Variants in LARP4B observed in about 807,000 individuals in gnomAD.
The protein encoded by LARP4B is la-related protein 4B.
Under a neutral mutation model 89.8 loss-of-function variants are expected in LARP4B, and 12 were observed. That is an observed-to-expected ratio of 0.13 (90% confidence interval 0.09 to 0.22). The LOEUF (loss-of-function observed/expected upper bound fraction) is 0.22. Among genes scored for constraint, LARP4B ranks in the 10% least tolerant of loss-of-function variants. LARP4B has a pLI of 1.00. For missense variants in LARP4B, 757 were observed against 947.7 expected (o/e 0.80, Z 2.64); for synonymous variants, 367 against 363.3 (o/e 1.01, Z -0.12).
chr10:927,261 A>T (rs1837168793), intron 1 of LARP4B, among the ~76,000 whole-genome samples: 1 of 152,168 alleles, frequency 6.6e-6, no homozygotes. Context: ...TTGAAGGGAC[A>T]AAAGGTATTA....
chr10:955,526 G>A, the LARP4B span, among the ~76,000 whole-genome samples: 1 of 152,208 alleles, frequency 6.6e-6, no homozygotes, highest in Non-Finnish European at 1.5e-5. This position sits in a 1 kb window ranked among gnomAD's most constrained non-coding sequence, Gnocchi z 5.2. Flanking sequence ...ATTGGAGCAT[G>A]TCCTCGCTCC....
At chr10:955,558 G>A in the LARP4B span, among the ~76,000 whole-genome samples, 2 of 152,088 alleles carry the variant, frequency 1.3e-5, no homozygotes, top group African/African-American at 4.8e-5. The surrounding 1 kb of genome is among the most constrained non-coding windows in gnomAD (Gnocchi z 5.2). Flanking sequence ...CCTTCAACTC[G>A]GGCCTTTGCC....
intron 8 of LARP4B, among the ~76,000 whole-genome samples, chr10:833,270 A>AAAC (rs1564392057): frequency 1.3e-5 from 2 of 149,356 alleles, no homozygotes; most frequent in South Asian, 2.1e-4. Context: ...AAAAAAAAAA[A>AAAC]AAAAAAAAAA....
chr10:878,082 C>A (rs557614241), intron 3 of LARP4B, among the ~76,000 whole-genome samples: 1 of 152,152 alleles, frequency 6.6e-6, no homozygotes, highest in South Asian at 2.1e-4. Context: ...GAGAGCCCTG[C>A]GGTAAGGTGA....
intron 1 of LARP4B, among the ~76,000 whole-genome samples, chr10:906,739 T>C (rs1836502967): frequency 6.6e-6 from 1 of 152,212 alleles, no homozygotes; most frequent in African/African-American, 2.4e-5. Context: ...TTAAAACAAA[T>C]ACGAACTGAT....
At chr10:873,506 G>T in intron 3 of LARP4B, 1 of 697,694 alleles carries the variant, frequency 1.4e-6, no homozygotes, top group Non-Finnish European at 1.8e-6. Context: ...CAGTGTTCCA[G>T]TATTTCCCAA....
rs183543415 is a variant in LARP4B, at chr10:814,754, G to A, written c.1917C>T (p.Asn639=). ...TATACKSVQV[N]GAATELRKPS... ...ACGAGGTACGTACCGTGGCGGCTCC[G>A]TTCACCTGCACCGATTTACACGCGG... The change falls in exon 17 of 18, where the codon AAC becomes AAT. Residue 639 remains asparagine (N), a synonymous_variant. Transcript: ENST00000316157. The surrounding 1 kb of genome is among the most constrained non-coding windows in gnomAD (Gnocchi z 4.4). 38 of 1,595,324 alleles carry A rather than the reference G, an allele frequency of 2.4e-5. No homozygotes were observed. The highest frequency in any genetic ancestry group is 2.9e-5 in the Non-Finnish European group (34 of 1,170,566).
At chr10:974,704 T>G in the LARP4B span, among the ~76,000 whole-genome samples, 33 of 152,202 alleles carry the variant, frequency 2.2e-4, no homozygotes, top group Non-Finnish European at 4.1e-4. Flanking sequence ...CTGTAATCGG[T>G]TCTGTGTTTA....
intron 5 of LARP4B, 96 bp from the exon 6 acceptor site, chr10:845,151 T>C: frequency 1.3e-6 from 1 of 798,288 alleles, no homozygotes; most frequent in Non-Finnish European, 2.0e-6. Context: ...ACTTACGTTC[T>C]GACACAACTA....
the LARP4B span, among the ~76,000 whole-genome samples, chr10:979,283 G>A: frequency 6.6e-6 from 1 of 152,156 alleles, no homozygotes; most frequent in African/African-American, 2.4e-5. Flanking sequence ...GTTCAGTGTT[G>A]TGTGTTTTCC....
intron 1 of LARP4B, among the ~76,000 whole-genome samples, chr10:900,063 T>C (rs1253788104): frequency 2.0e-5 from 3 of 151,576 alleles, no homozygotes; most frequent in Non-Finnish European, 4.4e-5. Context: ...AGCACAATCA[T>C]GGCCAGGCAC....
chr10:952,387 A>G, the LARP4B span, among the ~76,000 whole-genome samples: 1 of 148,492 alleles, frequency 6.7e-6, no homozygotes, highest in East Asian at 2.0e-4. Flanking sequence ...GCAGTCCAGA[A>G]CCAACTGCAT....
chr10:827,996 G>T (rs1832716728), intron 11 of LARP4B, among the ~76,000 whole-genome samples: 3 of 152,302 alleles, frequency 2.0e-5, no homozygotes, highest in Middle Eastern at 6.8e-3. Flanking sequence ...GGGAATTGGG[G>T]TCCTCTGAAA....
chr10:888,267 A>G (rs2131943241), intron 1 of LARP4B, among the ~76,000 whole-genome samples: 1 of 152,174 alleles, frequency 6.6e-6, no homozygotes, highest in African/African-American at 2.4e-5. Context: ...GGTTGCAGTG[A>G]GCTGAGATCA....
intron 3 of LARP4B, among the ~76,000 whole-genome samples, chr10:867,582 C>T (rs539846891): frequency 6.6e-6 from 1 of 152,136 alleles, no homozygotes; most frequent in South Asian, 2.1e-4. Context: ...CAGCGTCGGC[C>T]GGGTGTGGTG....
the LARP4B span, among the ~76,000 whole-genome samples, chr10:965,899 G>A: frequency 6.6e-6 from 1 of 152,082 alleles, no homozygotes; most frequent in Non-Finnish European, 1.5e-5. Flanking sequence ...GCCCCTTCCC[G>A]GCAGTGGCTT....
chr10:978,228 G>A, the LARP4B span, among the ~76,000 whole-genome samples: 2 of 151,820 alleles, frequency 1.3e-5, no homozygotes, highest in South Asian at 2.1e-4. Context: ...ACTTTATTTT[G>A]CTGTTCTTAA....
upstream of LARP4B, among the ~76,000 whole-genome samples, chr10:931,960 G>A (rs1830636443): frequency 6.9e-6 from 1 of 144,422 alleles, no homozygotes; most frequent in South Asian, 2.1e-4. Context: ...CCCCGCGCAC[G>A]CCGCACGTCC....
At chr10:894,013 T>C (rs1211198235) in intron 1 of LARP4B, among the ~76,000 whole-genome samples, 6 of 152,180 alleles carry the variant, frequency 3.9e-5, no homozygotes, top group Non-Finnish European at 1.5e-5. Flanking sequence ...CCACAGTCAA[T>C]GGGGAGTGAA....
Sources: allele counts gnomAD v4.1 joint callset (sites outside exome capture counted in the v4.1 genomes callset), GRCh38; gene constraint gnomAD v4.1.1; non-coding constraint Gnocchi (gnomAD v3.1); transcripts MANE v1.5; gene names NCBI Gene and HGNC (gene_info 2026-07-23, HGNC 2026-07-21).